The following FAM13A variants were observed in gnomAD, a reference collection of about 807,000 sequenced individuals.
FAM13A encodes the protein family with sequence similarity 13 member A.
Under a neutral mutation model 129.6 loss-of-function variants are expected in FAM13A, and 76 were observed. That is an observed-to-expected ratio of 0.59 (90% CI 0.49 to 0.71). FAM13A has a LOEUF of 0.71. Among genes scored for constraint, FAM13A ranks in the 30% least tolerant of loss-of-function variants. FAM13A has a pLI of 0.00. For missense variants in FAM13A, 1,108 were observed against 1,249.3 expected (o/e 0.89, Z 1.70); for synonymous variants, 443 against 449.9 (o/e 0.98, Z 0.20).
intron 4 of FAM13A, among the ~76,000 whole-genome samples, chr4:88,950,085 G>A (rs1312238033): frequency 1.3e-5 from 2 of 152,042 alleles, no homozygotes; most frequent in African/African-American, 2.4e-5. Context: ...GTTTTATACT[G>A]GATAACTAGA....
chr4:88,880,784 G>T (rs1243221398), intron 6 of FAM13A, among the ~76,000 whole-genome samples: 1 of 9,982 alleles, frequency 1.0e-4, no homozygotes, highest in Non-Finnish European at 2.0e-4. Context: ...GGTGGGGGGC[G>T]GGGGGGGGGG....
rs148036475 is a variant in FAM13A, at chr4:88,757,932, G to C, written c.1726+822C>G. Among the ~76,000 whole-genome samples the C allele has an allele frequency of 2.0e-5, 3 of 152,284 alleles. No homozygotes were observed. In the East Asian group the frequency reaches 5.8e-4, roughly 29 times the overall value. On this transcript the variant is annotated intron_variant, in intron 14 of 23. Transcript: ENST00000264344. ...GTAAGTCATTGTGTTAAGTCATCCT[G>C]CTGTATTGGAATCAGGTGCACAATT... is the stretch of plus-strand genomic sequence containing the variant.
chr4:88,775,781 T>C (rs1346526514), intron 11 of FAM13A, among the ~76,000 whole-genome samples: 4 of 152,068 alleles, frequency 2.6e-5, no homozygotes, highest in Non-Finnish European at 5.9e-5. Flanking sequence ...AGAAAAGAGA[T>C]TGGCCATCAG....
At chr4:88,823,631 T>C (rs1048216480) in intron 7 of FAM13A, among the ~76,000 whole-genome samples, 9 of 152,248 alleles carry the variant, frequency 5.9e-5, no homozygotes, top group African/African-American at 2.2e-4. Context: ...AAGAGTTATG[T>C]TGCGTCCCCT....
intron 16 of FAM13A, 70 bp downstream of exon 16, chr4:88,749,701 T>G: frequency 8.1e-5 from 125 of 1,536,426 alleles, no homozygotes; most frequent in Non-Finnish European, 1.0e-4. Context: ...GTCGTTTCTT[T>G]GAGTTGCTGA....
At chr4:88,979,338 C>T (rs1036654278) in intron 4 of FAM13A, among the ~76,000 whole-genome samples, 1 of 152,052 alleles carries the variant, frequency 6.6e-6, no homozygotes, top group African/African-American at 2.4e-5. Flanking sequence ...AAAGTACATC[C>T]AACAAAAATA....
chr4:88,904,677 T>A (rs1311142218), intron 6 of FAM13A, among the ~76,000 whole-genome samples: 3 of 152,110 alleles, frequency 2.0e-5, no homozygotes, highest in Non-Finnish European at 4.4e-5. Flanking sequence ...GTTTAATACC[T>A]AGGTGATGGT....
chr4:88,942,877 A>G (rs1298945125), intron 4 of FAM13A, among the ~76,000 whole-genome samples: 1 of 152,204 alleles, frequency 6.6e-6, no homozygotes, highest in Non-Finnish European at 1.5e-5. Flanking sequence ...GTTTTAAAAC[A>G]AGGTTTTCTT....
chr4:88,750,303 A>G (rs1742293004), intron 15 of FAM13A, 121 bp downstream of exon 15: 7 of 790,338 alleles, frequency 8.9e-6, no homozygotes, highest in Non-Finnish European at 1.5e-5. Context: ...GAGAATTTCA[A>G]ATATGTTGCT....
intron 8 of FAM13A, among the ~76,000 whole-genome samples, chr4:88,792,685 G>A (rs960250598): frequency 6.6e-6 from 1 of 152,034 alleles, no homozygotes; most frequent in African/African-American, 2.4e-5. Flanking sequence ...AAACCCAGAA[G>A]AGAGTAAAGA....
intron 6 of FAM13A, among the ~76,000 whole-genome samples, chr4:88,893,571 C>T (rs1745737630): frequency 6.7e-6 from 1 of 149,040 alleles, no homozygotes; most frequent in Non-Finnish European, 1.5e-5. Context: ...TGCAGTGAGC[C>T]GAGATTGTGC....
chr4:88,858,391 C>T (rs1258464920), intron 6 of FAM13A, among the ~76,000 whole-genome samples: 5 of 152,170 alleles, frequency 3.3e-5, no homozygotes, highest in African/African-American at 4.8e-5. Flanking sequence ...AAGACTTTAA[C>T]AAATTTTCAT....
intron 6 of FAM13A, among the ~76,000 whole-genome samples, chr4:88,899,484 A>G (rs1348109488): frequency 2.0e-5 from 3 of 151,738 alleles, no homozygotes; most frequent in Admixed American, 1.3e-4. Context: ...ACTTATGGAA[A>G]GAAAATAAGT....
At chr4:88,979,774 C>G (rs1178207324) in intron 4 of FAM13A, among the ~76,000 whole-genome samples, 1 of 152,062 alleles carries the variant, frequency 6.6e-6, no homozygotes, top group Non-Finnish European at 1.5e-5. Flanking sequence ...AGTTCAAGAC[C>G]AGCCTGACCA....
intron 7 of FAM13A, among the ~76,000 whole-genome samples, chr4:88,825,833 A>T (rs35251424): frequency 0.73 from 111,111 of 151,230 alleles, 42,248 homozygotes; most frequent in East Asian, 0.97. Context: ...CAATTTTTTT[A>T]AAAAAATTAA....
chr4:88,860,205 G>C (rs1739254161), intron 6 of FAM13A, among the ~76,000 whole-genome samples: 1 of 152,120 alleles, frequency 6.6e-6, no homozygotes, highest in Non-Finnish European at 1.5e-5. Context: ...CATGAAAACA[G>C]CTTTTGATAA....
intron 10 of FAM13A, among the ~76,000 whole-genome samples, chr4:88,782,946 T>C (rs575405304): frequency 2.8e-4 from 43 of 152,270 alleles, no homozygotes; most frequent in African/African-American, 1.0e-3. Context: ...CTCTTCATAG[T>C]TTTCCTAGCC....
chr4:88,978,610 C>T (rs1218359606), intron 4 of FAM13A, among the ~76,000 whole-genome samples: 1 of 152,054 alleles, frequency 6.6e-6, no homozygotes, highest in Non-Finnish European at 1.5e-5. Context: ...CTGGCTAACA[C>T]GGTGAAACCC....
In FAM13A at chr4:89,026,217, T is replaced by C. The variant is rs189549190; in HGVS notation, c.217+3243A>G. Among the ~76,000 whole-genome samples the C allele has an allele frequency of 6.6e-5, 10 of 152,346 alleles. 1 individual carries two copies. Among genetic ancestry groups the C allele is most frequent in the Admixed American group, 4.6e-4 (7 of 15,310 alleles). On this transcript the variant is annotated intron_variant, in intron 2 of 23. Coordinates refer to ENST00000264344, the MANE Select transcript of FAM13A (RefSeq NM_014883.4). ...ACACAGCCTCACTCAAAACCAAGTA[T>C]GTAAATAAATCCTGTTAAAGCTGGT... is the stretch of plus-strand genomic sequence containing the variant.
Sources: allele counts gnomAD v4.1 joint callset (sites outside exome capture counted in the v4.1 genomes callset), GRCh38; gene constraint gnomAD v4.1.1; transcripts MANE v1.5; gene names NCBI Gene and HGNC (gene_info 2026-07-23, HGNC 2026-07-21).